The following TACC2 variants were observed in gnomAD, a reference collection of about 807,000 sequenced individuals.
TACC2 encodes transforming acidic coiled-coil containing protein 2, also known as transforming acidic coiled-coil-containing protein 2.
A neutral mutation model predicts 227.3 loss-of-function variants in TACC2; 137 were observed. That is an observed-to-expected ratio of 0.60 (90% CI 0.52 to 0.69). TACC2 has a LOEUF of 0.69. Among genes scored for constraint, TACC2 ranks in the 30% least tolerant of loss-of-function variants. The probability of loss-of-function intolerance (pLI) is 0.00; values close to 1 mark genes in which losing one functional copy is unlikely to be tolerated. For synonymous variants in TACC2, 1,523 were observed against 1,487.5 expected (o/e 1.02, Z -0.55); for missense variants, 3,470 against 3,694.4 (o/e 0.94, Z 1.57).
At chr10:122,203,289 G>T (rs1222204349) in intron 8 of TACC2, among the ~76,000 whole-genome samples, 1 of 131,944 alleles carries the variant, frequency 7.6e-6, no homozygotes, top group African/African-American at 3.8e-5. Flanking sequence ...GGGCAGAGGG[G>T]CTCCTCACTT....
At chr10:122,016,819 T>C (rs928174071) in intron 1 of TACC2, among the ~76,000 whole-genome samples, 2 of 152,198 alleles carry the variant, frequency 1.3e-5, no homozygotes, top group African/African-American at 4.8e-5. Context: ...CTAACCCTAG[T>C]ACCTTAGAAT....
intron 1 of TACC2, among the ~76,000 whole-genome samples, chr10:121,998,861 A>G (rs2420979): frequency 0.73 from 110,704 of 152,032 alleles, 40,532 homozygotes; most frequent in African/African-American, 0.8. Context: ...CCCTACCAAG[A>G]TCTGACCTCC....
At chr10:122,248,598 G>A (rs2096181828) in intron 19 of TACC2, 45 bp from the exon 20 acceptor site, 1 of 1,610,258 alleles carries the variant, frequency 6.2e-7, no homozygotes, top group Admixed American at 1.7e-5. Flanking sequence ...GACCCAGTTT[G>A]GACTTTCTGG....
At chr10:122,140,077 G>A (rs1288832448) in intron 6 of TACC2, among the ~76,000 whole-genome samples, 1 of 152,208 alleles carries the variant, frequency 6.6e-6, no homozygotes, top group Non-Finnish European at 1.5e-5. Context: ...GAGCCCTGGA[G>A]CTGTGTGTGT....
chr10:122,005,492 C>T (rs1237150565), intron 1 of TACC2, among the ~76,000 whole-genome samples: 1 of 150,966 alleles, frequency 6.6e-6, no homozygotes, highest in Non-Finnish European at 1.5e-5. Context: ...TCACGCCATT[C>T]TCCCACCTCA....
At chr10:121,996,860 A>G (rs943929369) in intron 1 of TACC2, among the ~76,000 whole-genome samples, 1 of 152,068 alleles carries the variant, frequency 6.6e-6, no homozygotes, top group African/African-American at 2.4e-5. Flanking sequence ...CTTTAGGTTT[A>G]GAGTCTTTTC....
chr10:122,165,030 G>A (rs1336879280), intron 7 of TACC2, among the ~76,000 whole-genome samples: 1 of 152,150 alleles, frequency 6.6e-6, no homozygotes, highest in East Asian at 1.9e-4. Flanking sequence ...GCTAGGCTGA[G>A]CCTCGTGGTT....
At chr10:122,011,837 G>C (rs373967869) in intron 1 of TACC2, among the ~76,000 whole-genome samples, 4 of 152,170 alleles carry the variant, frequency 2.6e-5, no homozygotes, top group African/African-American at 9.6e-5. Flanking sequence ...CCAGTGCAAA[G>C]AGTCCTGAAC....
chr10:122,118,565 C>A (rs991397686), intron 5 of TACC2, among the ~76,000 whole-genome samples: 1 of 152,206 alleles, frequency 6.6e-6, no homozygotes, highest in Non-Finnish European at 1.5e-5. Flanking sequence ...GAACTATAGG[C>A]TCTAAGGCTT....
At chr10:122,099,904 A>G (rs1220314778) in intron 5 of TACC2, among the ~76,000 whole-genome samples, 1 of 152,176 alleles carries the variant, frequency 6.6e-6, no homozygotes, top group Non-Finnish European at 1.5e-5. Context: ...TTTATCTTCA[A>G]TGGAGAGGAT....
chr10:122,036,704 T>A (rs2459079), intron 2 of TACC2, among the ~76,000 whole-genome samples: 24,255 of 152,040 alleles, frequency 0.16, 2,680 homozygotes, highest in African/African-American at 0.31. Context: ...TTGAGTTGCT[T>A]CCACCTTTTG....
At chr10:122,038,021 T>G (rs1055528195) in intron 2 of TACC2, among the ~76,000 whole-genome samples, 2 of 152,170 alleles carry the variant, frequency 1.3e-5, no homozygotes, top group Non-Finnish European at 2.9e-5. Flanking sequence ...CACTCACCAC[T>G]TGTACAGTCC....
Position 122,139,307 on chromosome 10 carries a change from G to T in TACC2, c.5700-4265G>T, listed in dbSNP as rs542318872. Among the ~76,000 whole-genome samples the T allele has an allele frequency of 5.9e-5, 9 of 152,374 alleles. 1 individual carries two copies. The South Asian group carries it at 1.9e-3, about 32-fold the overall frequency. ...GCCCAGCGCCCGCTGGAAATCTGCA[G>T]ATCAGCTTGTTTGGGGCTGCTCACG... On this transcript the variant is annotated intron_variant, in intron 6 of 22. Coordinates refer to ENST00000369005, the MANE Select transcript of TACC2 (RefSeq NM_206862.4).
At chr10:122,099,486 A>C (rs2081898209) in intron 5 of TACC2, among the ~76,000 whole-genome samples, 1 of 152,146 alleles carries the variant, frequency 6.6e-6, no homozygotes, top group Admixed American at 6.6e-5. Context: ...CTTCTGACAC[A>C]CTCAGCTGGA....
chr10:122,164,166 G>GC (rs746506183), intron 7 of TACC2, among the ~76,000 whole-genome samples: 5 of 152,216 alleles, frequency 3.3e-5, no homozygotes, highest in Non-Finnish European at 5.9e-5. Context: ...GCATCTGGTA[G>GC]CCCCAAGTTA....
At position 122,086,731 on chromosome 10, in the gene TACC2, CA is replaced by C; in HGVS notation, c.4232del (p.His1411ProfsTer42). On this transcript the variant is annotated frameshift_variant, in exon 4 of 23. Coordinates refer to ENST00000369005, the MANE Select transcript of TACC2 (RefSeq NM_206862.4). LOFTEE classifies it high-confidence loss of function. ...TLTGFPDFRE[H>X]IAKIFEKPVL... ...CACTGGCTTCCCAGACTTCAGGGAG[CA>C]CATCGCCAAGATCTTCGAGAAGCCT... 1 of 1,613,966 alleles carries C rather than the reference CA, an allele frequency of 6.2e-7. No homozygotes were observed. Among genetic ancestry groups the C allele is most frequent in the East Asian group, 2.2e-5 (1 of 44,882 alleles).
chr10:122,015,218 A>G (rs367872913), intron 1 of TACC2, among the ~76,000 whole-genome samples: 5 of 152,102 alleles, frequency 3.3e-5, no homozygotes, highest in Non-Finnish European at 7.4e-5. Flanking sequence ...CAAAAACTCA[A>G]TGTTGGCCCG....
At chr10:122,008,282 A>C (rs1185499344) in intron 1 of TACC2, among the ~76,000 whole-genome samples, 1 of 37,770 alleles carries the variant, frequency 2.6e-5, no homozygotes, top group Non-Finnish European at 5.7e-5. Flanking sequence ...TTTTTGAGAC[A>C]GAATTTTGCT....
intron 3 of TACC2, among the ~76,000 whole-genome samples, chr10:122,080,555 AC>A (rs1309408362): frequency 6.6e-6 from 1 of 152,074 alleles, no homozygotes; most frequent in East Asian, 1.9e-4. Flanking sequence ...TATAAAGAAC[AC>A]CAGTCCTATC....
Sources: gnomAD v4.1 joint callset for allele counts (sites outside exome capture counted in the v4.1 genomes callset) on GRCh38, gnomAD v4.1.1 for gene constraint, MANE v1.5 for transcripts, NCBI Gene and HGNC (gene_info 2026-07-23, HGNC 2026-07-21) for gene names.